The following WDFY4 variants were observed in gnomAD, a reference collection of about 807,000 sequenced individuals.
The protein encoded by WDFY4 is WD repeat- and FYVE domain-containing protein 4.
WDFY4 carries 169 observed loss-of-function variants against 351.9 expected under a neutral mutation model. That is an observed-to-expected ratio of 0.48 (90% confidence interval 0.42 to 0.55). The LOEUF (loss-of-function observed/expected upper bound fraction) is 0.55. Among genes scored for constraint, WDFY4 ranks in the 20% least tolerant of loss-of-function variants. The pLI, the probability that WDFY4 is intolerant of heterozygous loss-of-function variation, is 0.00. For synonymous variants in WDFY4, 1,622 were observed against 1,574.6 expected, an observed-to-expected ratio of 1.03 and a Z score of -0.71; for missense variants, 3,803 against 3,935.6, an observed-to-expected ratio of 0.97 and a Z score of 0.90.
chr10:48,884,729 T>C (rs2070389210), intron 43 of WDFY4, among the ~76,000 whole-genome samples: 1 of 152,186 alleles, frequency 6.6e-6, no homozygotes, highest in South Asian at 2.1e-4. Context: ...TCCCCTGTTT[T>C]TTTATCTTTG....
chr10:48,867,171 AAAAATAAAATAAAATAAAATAAAAT>A, intron 39 of WDFY4, 69 bp from the exon 40 acceptor site: 2 of 348,062 alleles, frequency 5.7e-6, no homozygotes, highest in East Asian at 1.3e-4. Flanking sequence ...CTGTGTCTCA[AAAAATAAAATAAAATAAAATAAAAT>A]AAAATAAAAT....
chr10:48,778,505 C>A, intron 17 of WDFY4, 106 bp from the exon 18 acceptor site: 1 of 1,131,452 alleles, frequency 8.8e-7, no homozygotes, highest in Admixed American at 2.1e-5. Flanking sequence ...AGGCAAGACA[C>A]CCAGTAGGTG....
chr10:48,756,645 T>A (rs1209737903), intron 12 of WDFY4, among the ~76,000 whole-genome samples: 1 of 152,124 alleles, frequency 6.6e-6, no homozygotes, highest in Admixed American at 6.5e-5. Flanking sequence ...CCTTTGAATT[T>A]ACTGAGAATT....
chr10:48,787,622 A>G (rs561593323), intron 20 of WDFY4, among the ~76,000 whole-genome samples: 1 of 152,294 alleles, frequency 6.6e-6, no homozygotes, highest in African/African-American at 2.4e-5. Flanking sequence ...AGATCAGCCT[A>G]TTTCAAGTCA....
chr10:48,718,390 C>A (rs1295031745), intron 2 of WDFY4, among the ~76,000 whole-genome samples: 1 of 152,180 alleles, frequency 6.6e-6, no homozygotes, highest in Non-Finnish European at 1.5e-5. Context: ...AATGCTACAG[C>A]AAGACACACA....
chr10:48,899,287 T>C (rs1389843560), intron 45 of WDFY4, among the ~76,000 whole-genome samples: 1 of 152,236 alleles, frequency 6.6e-6, no homozygotes, highest in Non-Finnish European at 1.5e-5. Flanking sequence ...TTTATATTTC[T>C]ATTTGTAGAA....
intron 55 of WDFY4, chr10:48,967,016 T>C: frequency 4.4e-6 from 1 of 225,394 alleles, no homozygotes; most frequent in Non-Finnish European, 8.7e-6. Flanking sequence ...TACACACACA[T>C]ACCTTCTCTC....
chr10:48,740,350 T>G (rs1050481123), intron 11 of WDFY4, among the ~76,000 whole-genome samples: 11 of 152,224 alleles, frequency 7.2e-5, no homozygotes, highest in Non-Finnish European at 1.6e-4. Context: ...GGAGTGAGTT[T>G]CCAACTCAAC....
chr10:48,743,115 C>G lies in WDFY4; in HGVS notation c.2026C>G (p.Gln676Glu). The G allele has an allele frequency of 1.3e-6, 2 of 1,551,754 alleles. No individual in the cohort carries two copies. Among genetic ancestry groups the G allele is most frequent in the Non-Finnish European group, 8.7e-7 (1 of 1,147,006 alleles). Residue 676 changes from glutamine (Q) to glutamate (E), a missense_variant, in exon 12 of 62, where the codon CAG becomes GAG. Around this residue, in one of 3 missense-constraint regions of WDFY4, gnomAD observed 3,054 missense variants for 3,148.6 expected, o/e 0.97. Coordinates refer to ENST00000325239, the MANE Select transcript of WDFY4 (RefSeq NM_001394531.1). ...GGCATGGGGAGCAGTATCCCCCAGA[C>G]AGACCCTGGAGCTGGTTTTGTACAC... The part of the protein sequence containing the change: ...LQAWGAVSPR[Q>E]TLELVLYTLC...
intron 1 of WDFY4, among the ~76,000 whole-genome samples, chr10:48,705,155 T>A (rs2063593227): frequency 6.6e-6 from 1 of 152,192 alleles, no homozygotes; most frequent in African/African-American, 2.4e-5. Flanking sequence ...AACAGGTTGA[T>A]TTTTATGAAA....
intron 49 of WDFY4, 98 bp downstream of exon 49, chr10:48,943,547 C>T (rs986975961): frequency 2.1e-5 from 27 of 1,306,182 alleles, no homozygotes; most frequent in Non-Finnish European, 2.4e-5. Context: ...TAGGAGGTTC[C>T]GTCACATGAA....
chr10:48,892,913 T>C (rs944987323), intron 44 of WDFY4, among the ~76,000 whole-genome samples: 4 of 152,220 alleles, frequency 2.6e-5, no homozygotes, highest in African/African-American at 7.2e-5. Context: ...TAAGTCCCTT[T>C]CTTAGCTGAT....
chr10:48,694,009 C>T (rs1423428435), intron 1 of WDFY4, among the ~76,000 whole-genome samples: 1 of 152,178 alleles, frequency 6.6e-6, no homozygotes, highest in Non-Finnish European at 1.5e-5. Flanking sequence ...TGCATACTTC[C>T]AGATATGTTT....
chr10:48,855,139 G>C (rs933191674), intron 39 of WDFY4, among the ~76,000 whole-genome samples: 91 of 152,018 alleles, frequency 6.0e-4, no homozygotes, highest in Middle Eastern at 3.4e-3. Context: ...AAATGATATT[G>C]TTTTTATATT....
At chr10:48,704,166 G>A (rs934486310) in intron 1 of WDFY4, among the ~76,000 whole-genome samples, 3 of 152,108 alleles carry the variant, frequency 2.0e-5, no homozygotes, top group Non-Finnish European at 4.4e-5. Context: ...GGGCAGAGAG[G>A]GACTGGGATC....
At chr10:48,765,324 G>T (rs2065634256) in intron 13 of WDFY4, among the ~76,000 whole-genome samples, 1 of 152,114 alleles carries the variant, frequency 6.6e-6, no homozygotes, top group Non-Finnish European at 1.5e-5. Flanking sequence ...GTCTCAGCTG[G>T]GTCACCAAGC....
chr10:48,723,993 C>A (rs1468611738), intron 5 of WDFY4, among the ~76,000 whole-genome samples: 1 of 152,080 alleles, frequency 6.6e-6, no homozygotes, highest in African/African-American at 2.4e-5. Context: ...CTCTTCCTTC[C>A]TCTCAGAAGA....
chr10:48,859,145 A>G (rs1376406997), intron 39 of WDFY4, among the ~76,000 whole-genome samples: 1 of 152,156 alleles, frequency 6.6e-6, no homozygotes, highest in Non-Finnish European at 1.5e-5. Flanking sequence ...TAGGAATTCA[A>G]CAGAATCAGG....
rs1484140079 is a variant in WDFY4, at chr10:48,780,004, G to T, written c.3461G>T (p.Gly1154Val). The T allele has an allele frequency of 2.6e-6, 4 of 1,551,844 alleles. No individual in the cohort carries two copies. The highest frequency in any genetic ancestry group is 2.4e-5 in the East Asian group (1 of 40,926). ...SAGCQLQVRC[G>V]QLLACGQWHH... The stretch of plus-strand genomic sequence containing the variant: ...GGATGCCAGCTTCAGGTCAGGTGTG[G>T]CCAGCTCCTGGCTTGTGGTCAGTGG... Residue 1154 changes from glycine (G) to valine (V), a missense_variant, in exon 19 of 62, where the codon GGC becomes GTC. Gly to Val is a moderately radical substitution (Grantham distance 109). Coordinates refer to ENST00000325239, the MANE Select transcript of WDFY4 (RefSeq NM_001394531.1).
Sources: gnomAD v4.1 joint callset for allele counts (sites outside exome capture counted in the v4.1 genomes callset) on GRCh38, gnomAD v4.1.1 for gene constraint, gnomAD v4.1.1 regional missense constraint, MANE v1.5 for transcripts, NCBI Gene and HGNC (gene_info 2026-07-23, HGNC 2026-07-21) for gene names.